SHISA9: variants seen among roughly 807,000 people sequenced by gnomAD.
The protein encoded by SHISA9 is shisa family member 9.
SHISA9 carries 13 observed loss-of-function variants against 38.0 expected under a neutral mutation model. The observed-to-expected ratio is 0.34, with a 90% CI of 0.22 to 0.54. The LOEUF (loss-of-function observed/expected upper bound fraction) is 0.54. SHISA9 is among the 20% of genes least tolerant of loss of function. The pLI, the probability that SHISA9 is intolerant of heterozygous loss-of-function variation, is 0.91. For missense variants in SHISA9, 538 were observed against 575.8 expected (o/e 0.93, Z 0.67); for synonymous variants, 275 against 242.0 (o/e 1.14, Z -1.27).
intron 2 of SHISA9, among the ~76,000 whole-genome samples, chr16:13,046,949 C>T (rs2073195065): frequency 1.3e-5 from 2 of 152,154 alleles, no homozygotes; most frequent in Non-Finnish European, 2.9e-5. Context: ...CTCTGTGGCT[C>T]TTACCCCCTG....
chr16:13,325,408 G>A, the SHISA9 span, among the ~76,000 whole-genome samples: 1 of 152,200 alleles, frequency 6.6e-6, no homozygotes, highest in Non-Finnish European at 1.5e-5. Context: ...TATGAGGCAT[G>A]TCTAACCCCA....
At chr16:13,283,277 C>G in the SHISA9 span, among the ~76,000 whole-genome samples, 1 of 152,136 alleles carries the variant, frequency 6.6e-6, no homozygotes, top group Non-Finnish European at 1.5e-5. Context: ...CACCTCCTAA[C>G]TCTGTCTCCC....
the SHISA9 span, among the ~76,000 whole-genome samples, chr16:13,492,895 G>A: frequency 6.6e-6 from 1 of 152,336 alleles, no homozygotes; most frequent in African/African-American, 2.4e-5. Flanking sequence ...GGGGTTGGAA[G>A]GAGTTTAGTA....
chr16:13,492,750 A>G, the SHISA9 span, among the ~76,000 whole-genome samples: 2 of 152,228 alleles, frequency 1.3e-5, no homozygotes, highest in East Asian at 1.9e-4. Context: ...TTTGTTTCCA[A>G]TATTTGATCA....
intron 2 of SHISA9, among the ~76,000 whole-genome samples, chr16:13,114,414 C>T (rs571336245): frequency 6.7e-4 from 91 of 136,498 alleles, no homozygotes; most frequent in Middle Eastern, 8.8e-3. Flanking sequence ...TGCAGTGAGA[C>T]GAGATTGCAC....
At chr16:13,196,580 A>G (rs948910069) in intron 2 of SHISA9, among the ~76,000 whole-genome samples, 3 of 152,186 alleles carry the variant, frequency 2.0e-5, no homozygotes, top group Non-Finnish European at 4.4e-5. Context: ...TGAAACAGAA[A>G]AGATGGACAT....
At chr16:13,297,058 T>C in the SHISA9 span, among the ~76,000 whole-genome samples, 2 of 152,180 alleles carry the variant, frequency 1.3e-5, no homozygotes, top group African/African-American at 2.4e-5. Context: ...AGAATTATAC[T>C]GTAAGCAAAT....
rs552507734 is a variant in SHISA9 at position 12,954,097 on chromosome 16, G to A, written c.691+37282G>A. On this transcript the variant is annotated intron_variant, in intron 2 of 4. Transcript: ENST00000558583. ...GCCAAGTCCACTCAGCAGAAGTGGCGAGATGATTTAAGACTTGAAGGACGA... is the reference window on the plus strand; with the variant it reads ...GCCAAGTCCACTCAGCAGAAGTGGCAAGATGATTTAAGACTTGAAGGACGA... Among the ~76,000 whole-genome samples, 11 of 152,260 alleles carry A rather than the reference G, an allele frequency of 7.2e-5. 1 individual carries two copies. In the South Asian group the frequency reaches 1.2e-3, roughly 17 times the overall value.
At chr16:13,557,383 C>G in the SHISA9 span, among the ~76,000 whole-genome samples, 2 of 152,194 alleles carry the variant, frequency 1.3e-5, no homozygotes, top group East Asian at 3.9e-4. Context: ...GAATTTCAAC[C>G]AAACCCAATG....
rs2071192119 is a variant in SHISA9 at position 12,912,135 on chromosome 16, A to C, written c.564-4553A>C. Among the ~76,000 whole-genome samples the C allele has an allele frequency of 2.0e-5, 3 of 150,254 alleles. No homozygotes were observed. In the South Asian group the frequency reaches 6.6e-4, roughly 33 times the overall value. On this transcript the variant is annotated intron_variant, in intron 1 of 4. Transcript: ENST00000558583. ...TCAATACACGTAAGACCATACAAAAAAGTTCTGACATTTCCTTCCCCATAC... is the reference window on the plus strand; with the variant it reads ...TCAATACACGTAAGACCATACAAAACAGTTCTGACATTTCCTTCCCCATAC...
At chr16:13,536,485 C>G in the SHISA9 span, among the ~76,000 whole-genome samples, 4,288 of 152,228 alleles carry the variant, frequency 0.028, 175 homozygotes, top group East Asian at 0.16. Context: ...TGTAGACTCT[C>G]AGTATATAAT....
the SHISA9 span, among the ~76,000 whole-genome samples, chr16:13,556,655 T>C: frequency 6.6e-6 from 1 of 151,794 alleles, no homozygotes; most frequent in Non-Finnish European, 1.5e-5. Flanking sequence ...AGAGTGAGAC[T>C]CTGTCTCAAA....
At chr16:12,974,217 G>A (rs755963005) in intron 2 of SHISA9, among the ~76,000 whole-genome samples, 9 of 152,134 alleles carry the variant, frequency 5.9e-5, no homozygotes, top group African/African-American at 1.7e-4. Flanking sequence ...GGGAGAAAGC[G>A]TATATCTGGA....
At chr16:13,120,472 C>T (rs1269522844) in intron 2 of SHISA9, among the ~76,000 whole-genome samples, 1 of 152,092 alleles carries the variant, frequency 6.6e-6, no homozygotes, top group Non-Finnish European at 1.5e-5. Context: ...TTCCCATGGT[C>T]GTATGTAGGG....
intron 2 of SHISA9, among the ~76,000 whole-genome samples, chr16:12,977,033 G>A (rs1438656186): frequency 1.3e-5 from 2 of 152,114 alleles, no homozygotes; most frequent in Non-Finnish European, 2.9e-5. Context: ...AGAATGCCTT[G>A]GACACTTTTC....
At chr16:12,913,140 G>A (rs2071208539) in intron 1 of SHISA9, among the ~76,000 whole-genome samples, 2 of 152,132 alleles carry the variant, frequency 1.3e-5, no homozygotes, top group Admixed American at 1.3e-4. Context: ...CGATTCAATG[G>A]TTTTTAATAT....
chr16:13,189,358 G>T (rs911531166), intron 2 of SHISA9, among the ~76,000 whole-genome samples: 4 of 152,168 alleles, frequency 2.6e-5, no homozygotes, highest in African/African-American at 9.7e-5. Context: ...CCTGATATGT[G>T]CTAGGGGCAG....
the SHISA9 span, among the ~76,000 whole-genome samples, chr16:13,467,440 T>C: frequency 6.6e-6 from 1 of 152,202 alleles, no homozygotes; most frequent in South Asian, 2.1e-4. Context: ...GCATTTAGAC[T>C]CAGACTGGGG....
intron 4 of SHISA9, among the ~76,000 whole-genome samples, chr16:13,218,090 C>T (rs966144901): frequency 6.6e-6 from 1 of 152,110 alleles, no homozygotes; most frequent in African/African-American, 2.4e-5. Flanking sequence ...GAAGGAAAGA[C>T]ATTTCACCTA....
Sources: allele counts gnomAD v4.1 joint callset (sites outside exome capture counted in the v4.1 genomes callset), GRCh38; gene constraint gnomAD v4.1.1; transcripts MANE v1.5; gene names NCBI Gene and HGNC (gene_info 2026-07-23, HGNC 2026-07-21).